Variants in CLYBL observed in about 807,000 individuals in gnomAD.
CLYBL encodes citramalyl-CoA lyase, mitochondrial.
A neutral mutation model predicts 38.9 loss-of-function variants in CLYBL; 31 were observed. The observed-to-expected ratio is 0.80, with a 90% CI of 0.60 to 1.08. The LOEUF (loss-of-function observed/expected upper bound fraction) is 1.08, where lower values mean the gene tolerates loss of function less well. Ranked by LOEUF, CLYBL falls within the 50% of genes least tolerant of loss-of-function variation. CLYBL has a pLI of 0.00. For missense variants in CLYBL, 434 were observed against 411.6 expected (o/e 1.05, Z -0.47); for synonymous variants, 171 against 158.6 (o/e 1.08, Z -0.59).
chr13:99,901,786 A>C (rs1407819650), downstream of CLYBL, among the ~76,000 whole-genome samples: 2 of 151,714 alleles, frequency 1.3e-5, no homozygotes, highest in African/African-American at 4.8e-5. Flanking sequence ...CAGCCTCCAC[A>C]GTACCTCGGA....
rs1198951166 is a variant in CLYBL, at chr13:99,772,823, G to A, written c.63-1G>A. ...ACTAACCCCAATCACGTGTCTTGCA[G>A]GAAAGCGTCTCTAGCAGCTGATATC... is the stretch of plus-strand genomic sequence containing the variant. On this transcript the variant is annotated splice_acceptor_variant, in intron 1 of 8. Coordinates refer to ENST00000339105, the MANE Select transcript of CLYBL (RefSeq NM_206808.5). LOFTEE classifies it high-confidence loss of function. 6.3e-7 allele frequency: 1 copy of A among 1,586,872 alleles called. No homozygotes were observed. Among genetic ancestry groups the A allele is most frequent in the East Asian group, 2.2e-5 (1 of 44,450 alleles).
intron 1 of CLYBL, among the ~76,000 whole-genome samples, chr13:99,625,156 G>A (rs1447885803): frequency 6.6e-6 from 1 of 152,168 alleles, no homozygotes; most frequent in Admixed American, 6.5e-5. Context: ...GAGTTGTGCT[G>A]TTCGTTTGCT....
At chr13:99,857,309 T>G (rs942993631) in intron 2 of CLYBL, among the ~76,000 whole-genome samples, 1 of 151,982 alleles carries the variant, frequency 6.6e-6, no homozygotes, top group Non-Finnish European at 1.5e-5. Flanking sequence ...AGTGAGACTG[T>G]GTCTCAAAAA....
chr13:99,845,652 G>A (rs552862787), intron 2 of CLYBL, among the ~76,000 whole-genome samples: 11 of 152,142 alleles, frequency 7.2e-5, no homozygotes, highest in East Asian at 1.9e-4. Flanking sequence ...GTGACATGAC[G>A]CAGGCTCTGC....
intron 2 of CLYBL, among the ~76,000 whole-genome samples, chr13:99,789,257 T>C (rs528026422): frequency 6.6e-6 from 1 of 152,358 alleles, no homozygotes; most frequent in African/African-American, 2.4e-5. Flanking sequence ...GTTTGTTTGC[T>C]CTTGCTTCTC....
At chr13:99,607,949 G>T (rs2046554979) in intron 1 of CLYBL, among the ~76,000 whole-genome samples, 1 of 151,924 alleles carries the variant, frequency 6.6e-6, no homozygotes, top group East Asian at 1.9e-4. Flanking sequence ...TCGCCATGTT[G>T]GCCAGGCTGT....
chr13:99,823,629 C>T (rs1057348142), intron 2 of CLYBL, among the ~76,000 whole-genome samples: 3 of 152,192 alleles, frequency 2.0e-5, no homozygotes, highest in African/African-American at 7.2e-5. Context: ...AAGGGCATAG[C>T]CAATGTGGCT....
At position 99,804,565 on chromosome 13, in the gene CLYBL, C is replaced by T. The variant is rs569533796; in HGVS notation, c.249+31555C>T. Among the ~76,000 whole-genome samples the T allele has an allele frequency of 9.3e-4, 142 of 152,140 alleles. 1 individual carries two copies. The highest frequency in any genetic ancestry group is 2.7e-3 in the Admixed American group (41 of 15,286). On this transcript the variant is annotated intron_variant, in intron 2 of 8. Coordinates refer to ENST00000339105, the MANE Select transcript of CLYBL (RefSeq NM_206808.5). The stretch of plus-strand genomic sequence containing the variant: ...AGCTGCAGTGCAGTTTTTAGGGAAG[C>T]GAAAGGCTCCCTGCCCTGTAGTCTT...
chr13:99,900,425 G>A (rs1209041787), downstream of CLYBL, among the ~76,000 whole-genome samples: 1 of 152,038 alleles, frequency 6.6e-6, no homozygotes, highest in Non-Finnish European at 1.5e-5. Flanking sequence ...TCTCGGTGCT[G>A]GAGATGTTCT....
At chr13:99,842,705 C>T (rs925195284) in intron 2 of CLYBL, among the ~76,000 whole-genome samples, 2 of 114,606 alleles carry the variant, frequency 1.7e-5, no homozygotes, top group Non-Finnish European at 3.9e-5. Context: ...CTGTACAGCC[C>T]TTTTTTTTAA....
intron 1 of CLYBL, among the ~76,000 whole-genome samples, chr13:99,700,983 C>G (rs910574197): frequency 1.3e-5 from 2 of 152,120 alleles, no homozygotes; most frequent in African/African-American, 4.8e-5. Context: ...TTTTTCCTCT[C>G]CACTCAGAGG....
At position 99,730,632 on chromosome 13, in the gene CLYBL, C is replaced by T. The variant is rs374316466; in HGVS notation, c.63-42192C>T. Among the ~76,000 whole-genome samples the T allele has an allele frequency of 6.6e-5, 10 of 152,204 alleles. No individual in the cohort carries two copies. In the East Asian group the frequency reaches 1.2e-3, roughly 18 times the overall value. ...CCAGAGGCTCAGGGAGCAGCAGAGC[C>T]GCCCAAGATGATAGACAGGAGCTGA... On this transcript the variant is annotated intron_variant, in intron 1 of 8. Coordinates refer to ENST00000339105, the MANE Select transcript of CLYBL (RefSeq NM_206808.5).
chr13:99,777,055 T>C (rs1566322626), intron 2 of CLYBL, among the ~76,000 whole-genome samples: 1 of 151,952 alleles, frequency 6.6e-6, no homozygotes, highest in Non-Finnish European at 1.5e-5. Flanking sequence ...AATTTTGTGT[T>C]TTTAGGAGAG....
intron 1 of CLYBL, among the ~76,000 whole-genome samples, chr13:99,607,370 G>A (rs888211729): frequency 6.6e-6 from 1 of 152,142 alleles, no homozygotes; most frequent in Admixed American, 6.5e-5. Context: ...TTTAATAAAG[G>A]ACAGCTGGAG....
At chr13:99,835,747 T>G (rs1177305682) in intron 2 of CLYBL, among the ~76,000 whole-genome samples, 1 of 152,272 alleles carries the variant, frequency 6.6e-6, no homozygotes, top group East Asian at 1.9e-4. Context: ...GTTGAACAGC[T>G]GAGTGAATGA....
chr13:99,845,561 C>T (rs2051181168), intron 2 of CLYBL, among the ~76,000 whole-genome samples: 1 of 152,194 alleles, frequency 6.6e-6, no homozygotes, highest in East Asian at 1.9e-4. Context: ...CGGTGCCAGC[C>T]ACGGCATTGT....
At chr13:99,685,371 C>T (rs1320313499) in intron 1 of CLYBL, among the ~76,000 whole-genome samples, 2 of 152,104 alleles carry the variant, frequency 1.3e-5, no homozygotes, top group African/African-American at 2.4e-5. Flanking sequence ...AATAATTCTT[C>T]AAGAAAAGCC....
At chr13:99,760,760 G>A (rs1260790438) in intron 1 of CLYBL, among the ~76,000 whole-genome samples, 1 of 151,278 alleles carries the variant, frequency 6.6e-6, no homozygotes, top group Non-Finnish European at 1.5e-5. Flanking sequence ...GATATACATA[G>A]TTTCAGGATA....
At chr13:99,839,303 G>A (rs915682234) in intron 2 of CLYBL, among the ~76,000 whole-genome samples, 1 of 152,192 alleles carries the variant, frequency 6.6e-6, no homozygotes, top group Non-Finnish European at 1.5e-5. Flanking sequence ...AACTAGGAGG[G>A]TTCGAAGACA....
Sources: gnomAD v4.1 joint callset for allele counts (sites outside exome capture counted in the v4.1 genomes callset) on GRCh38, gnomAD v4.1.1 for gene constraint, MANE v1.5 for transcripts, NCBI Gene and HGNC (gene_info 2026-07-23, HGNC 2026-07-21) for gene names.